LARS1: variants seen among roughly 807,000 people sequenced by gnomAD.
LARS1 encodes leucine--tRNA ligase, cytoplasmic.
Under a neutral mutation model 162.8 loss-of-function variants are expected in LARS1, and 100 were observed. The observed-to-expected ratio is 0.61, with a 90% confidence interval of 0.52 to 0.73. The LOEUF (loss-of-function observed/expected upper bound fraction) is 0.73. LARS1 is among the 30% of genes least tolerant of loss of function. LARS1 has a pLI of 0.00. For synonymous variants in LARS1, 457 were observed against 462.8 expected (o/e 0.99, Z 0.16); for missense variants, 1,258 against 1,408.9 (o/e 0.89, Z 1.71).
intron 5 of LARS1, 111 bp from the exon 6 acceptor site, chr5:146,164,582 A>G: frequency 1.0e-6 from 1 of 981,696 alleles, no homozygotes; most frequent in South Asian, 1.4e-5. Context: ...TAATGCTGAT[A>G]CATCAGAACA....
intron 20 of LARS1, among the ~76,000 whole-genome samples, chr5:146,141,646 A>T (rs1752782010): frequency 6.6e-6 from 1 of 151,872 alleles, no homozygotes; most frequent in Non-Finnish European, 1.5e-5. Flanking sequence ...TCTACAAAAA[A>T]TAAACAAAAT....
At chr5:146,131,673 T>G (rs963806062) in intron 23 of LARS1, 7 of 151,954 alleles carry the variant, frequency 4.6e-5, no homozygotes, top group Admixed American at 2.6e-4. Context: ...TTTTTTTTTG[T>G]AGAGACAGGA....
chr5:146,117,191 C>CCTAGTCCTACTTCCTAGAATAGGA (rs1396588710), intron 31 of LARS1, among the ~76,000 whole-genome samples: 1 of 152,134 alleles, frequency 6.6e-6, no homozygotes, highest in African/African-American at 2.4e-5. Context: ...AAATACATTT[C>CCTAGTCCTACTTCCTAGAATAGGA]AGTACAATTC....
Position 146,131,037 on chromosome 5 carries a change from T to C in LARS1, c.2469A>G (p.Thr823=). 1 of 1,591,256 alleles carries C rather than the reference T, an allele frequency of 6.3e-7. No individual in the cohort carries two copies. Among genetic ancestry groups the C allele is most frequent in the Non-Finnish European group, 8.6e-7 (1 of 1,165,454 alleles). The change falls in exon 24 of 32, where the codon ACA becomes ACG. Residue 823 remains threonine, a synonymous_variant. Coordinates refer to ENST00000394434, the MANE Select transcript of LARS1 (RefSeq NM_020117.11). ...EKMMFKEALK[T]GFFEFQAAKD... is the part of the protein sequence containing the mutation. ...AGCCTACCTGAAACTCAAAAAACCC[T>C]GTTTTCAAAGCTTCTTTAAACATCA...
Position 146,143,086 on chromosome 5 carries a change from T to A in LARS1, c.1878-2A>T, listed in dbSNP as rs767127814. 2 of 1,586,676 alleles carry A rather than the reference T, an allele frequency of 1.3e-6. No individual in the cohort carries two copies. Among genetic ancestry groups the A allele is most frequent in the Non-Finnish European group, 1.7e-6 (2 of 1,166,006 alleles). On this transcript the variant is annotated splice_acceptor_variant, in intron 19 of 31. Transcript: ENST00000394434. LOFTEE classifies it high-confidence loss of function. The stretch of plus-strand genomic sequence containing the variant: ...ACTTCCTTGGTCATCTGTTGCGGTC[T>A]GTATTAAAAATAAAACAAACTATTT...
Position 146,164,268 on chromosome 5 carries a change from A to T in LARS1, c.594+42T>A, listed in dbSNP as rs566017123. ...AAAGCAAAGCACAATAAAAAAGCAC[A>T]TACTTGTAAATGCTTTCCTCATATT... On this transcript the variant is annotated intron_variant, in intron 6 of 31. Transcript: ENST00000394434. 2.6e-6 allele frequency: 4 copies of T among 1,563,822 alleles called. No homozygotes were observed. In the Admixed American group the frequency reaches 5.4e-5, roughly 21 times the overall value.
chr5:146,156,651 G>A (rs978050439), intron 10 of LARS1, among the ~76,000 whole-genome samples: 5 of 151,358 alleles, frequency 3.3e-5, no homozygotes, highest in South Asian at 2.1e-4. Context: ...CTGAGATCGC[G>A]CCACTGAACA....
intron 30 of LARS1, among the ~76,000 whole-genome samples, 159 bp from the exon 31 acceptor site, chr5:146,120,662 C>T (rs1005351572): frequency 1.3e-5 from 2 of 152,126 alleles, no homozygotes; most frequent in African/African-American, 2.4e-5. Context: ...GCTGTACAAG[C>T]TCATGCTTAT....
At chr5:146,170,778 TGAG>T (rs1488470308) in intron 4 of LARS1, among the ~76,000 whole-genome samples, 1 of 151,184 alleles carries the variant, frequency 6.6e-6, no homozygotes, top group Non-Finnish European at 1.5e-5. Context: ...GCAGATTACC[TGAG>T]GTCAGGAGTT....
In LARS1 at chr5:146,113,599, G is replaced by A. The variant is rs1319882439; in HGVS notation, c.*507C>T. The A allele has an allele frequency of 6.6e-6, 1 of 152,478 alleles. No homozygotes were observed. Among genetic ancestry groups the A allele is most frequent in the East Asian group, 1.9e-4 (1 of 5,188 alleles). 9.4% of individuals were successfully genotyped at this position (152,478 alleles called of 1,614,324 possible). On this transcript the variant is annotated 3_prime_UTR_variant, in exon 32 of 32. Coordinates refer to ENST00000394434, the MANE Select transcript of LARS1 (RefSeq NM_020117.11). ...ATTTGTTCTTTATACAAAATACTTA[G>A]TAATTGAAGTCAAGTCAAAATATTC...
rs1239518548 is a variant in LARS1 at position 146,128,963 on chromosome 5, A to G, written c.2769+15T>C. On this transcript the variant is annotated intron_variant, in intron 26 of 31. Transcript: ENST00000394434. ...AAGGAATAATCCTTTAAAAAAAAAA[A>G]CAAAAAAACTTTACCTTCCCTTTAG... The G allele has an allele frequency of 1.9e-6, 3 of 1,569,650 alleles. No homozygotes were observed. The highest frequency in any genetic ancestry group is 1.7e-6 in the Non-Finnish European group (2 of 1,166,452).
Position 146,130,119 on chromosome 5 carries a change from T to C in LARS1, c.2527A>G (p.Met843Val), listed in dbSNP as rs77219405. The C allele has an allele frequency of 1.7e-5, 27 of 1,613,760 alleles. 1 individual carries two copies. The South Asian group carries it at 2.2e-4, about 13-fold the overall frequency. ...AACCGGAACACAAGTTCTCTGTGCA[T>C]CCCTTCCACAGCCAATTCACGGTAC... ...DKYRELAVEG[M>V]HRELVFRFIE... Residue 843 changes from methionine to valine, a missense_variant, in exon 25 of 32, where the codon ATG becomes GTG. Transcript: ENST00000394434.
chr5:146,166,558 T>C (rs958003533), intron 5 of LARS1, among the ~76,000 whole-genome samples: 3 of 152,068 alleles, frequency 2.0e-5, no homozygotes, highest in Admixed American at 6.6e-5. Flanking sequence ...AAAAGCTCAA[T>C]GGTATTGGCT....
At chr5:146,173,837 T>C (rs1754386097) in intron 2 of LARS1, among the ~76,000 whole-genome samples, 1 of 152,126 alleles carries the variant, frequency 6.6e-6, no homozygotes, top group Admixed American at 6.6e-5. Context: ...TTTGCACACT[T>C]GGCAGCACCC....
At position 146,144,272 on chromosome 5, in the gene LARS1, C is replaced by T; in HGVS notation, c.1733G>A (p.Gly578Asp). Residue 578 changes from glycine (G) to aspartate (D), a missense_variant, in exon 18 of 32, where the codon GGT (glycine) becomes GAT (aspartate). Coordinates refer to ENST00000394434, the MANE Select transcript of LARS1 (RefSeq NM_020117.11). ...LQEHACSRTY[G>D]LGTHLPWDEQ... ...AAAATTTCAAGTTTGTTTACCTAGACCATAAGTTCTTGAGCAAGCATGTTC... is the reference window on the plus strand; with the variant it reads ...AAAATTTCAAGTTTGTTTACCTAGATCATAAGTTCTTGAGCAAGCATGTTC... 1 of 1,607,604 alleles carries T rather than the reference C, an allele frequency of 6.2e-7. No individual in the cohort carries two copies. The highest frequency in any genetic ancestry group is 1.1e-5 in the South Asian group (1 of 89,380).
intron 5 of LARS1, among the ~76,000 whole-genome samples, chr5:146,165,947 T>C (rs1005374932): frequency 6.6e-6 from 1 of 151,870 alleles, no homozygotes; most frequent in East Asian, 1.9e-4. Flanking sequence ...GGTGCTAAAA[T>C]GGAGCCAGGG....
At chr5:146,117,204 C>T (rs181896809) in intron 31 of LARS1, among the ~76,000 whole-genome samples, 1 of 152,234 alleles carries the variant, frequency 6.6e-6, no homozygotes, top group East Asian at 1.9e-4. Flanking sequence ...TACAATTCTG[C>T]AGAACCTAGT....
chr5:146,176,003 T>A (rs531910064), intron 2 of LARS1, among the ~76,000 whole-genome samples: 1 of 151,632 alleles, frequency 6.6e-6, no homozygotes, highest in African/African-American at 2.4e-5. Flanking sequence ...AAAAAACAAA[T>A]TAGCCAGGCA....
At chr5:146,153,473 T>G (rs1009546423) in intron 12 of LARS1, among the ~76,000 whole-genome samples, 1 of 152,178 alleles carries the variant, frequency 6.6e-6, no homozygotes, top group Non-Finnish European at 1.5e-5. Context: ...AAAATGTACA[T>G]AGACATACAC....
Sources: gnomAD v4.1 joint callset for allele counts (sites outside exome capture counted in the v4.1 genomes callset) on GRCh38, gnomAD v4.1.1 for gene constraint, MANE v1.5 for transcripts, NCBI Gene and HGNC (gene_info 2026-07-23, HGNC 2026-07-21) for gene names.